The following PAPLN variants were observed in gnomAD, a reference collection of about 807,000 sequenced individuals.
PAPLN encodes the protein papilin.
Under a neutral mutation model 159.0 loss-of-function variants are expected in PAPLN, and 146 were observed. That is an observed-to-expected ratio of 0.92 (90% CI 0.80 to 1.05). The LOEUF (loss-of-function observed/expected upper bound fraction) is 1.05. PAPLN is among the 50% of genes least tolerant of loss of function. PAPLN has a pLI of 0.00. For missense variants in PAPLN, 1,720 were observed against 1,743.9 expected, an observed-to-expected ratio of 0.99 and a Z score of 0.24; for synonymous variants, 734 against 702.9, an observed-to-expected ratio of 1.04 and a Z score of -0.70.
chr14:73,253,685 A>C, intron 11 of PAPLN, 69 bp from the exon 12 acceptor site: 3 of 1,432,488 alleles, frequency 2.1e-6, no homozygotes, highest in South Asian at 1.4e-5. Flanking sequence ...GAGTGAGGGC[A>C]GAAACCCTCA....
chr14:73,254,724 G>A, intron 13 of PAPLN, 29 bp downstream of exon 13: 1 of 1,606,576 alleles, frequency 6.2e-7, no homozygotes, highest in East Asian at 2.2e-5. Context: ...CACACCTGCT[G>A]CCTGACCCTG....
At chr14:73,252,925 C>A in intron 11 of PAPLN, 150 bp downstream of exon 11, 1 of 1,367,880 alleles carries the variant, frequency 7.3e-7, no homozygotes, top group Non-Finnish European at 9.9e-7. Flanking sequence ...GAGGTGGCAG[C>A]TCTTCCTGGG....
chr14:73,247,217 C>T (rs1013648943), intron 5 of PAPLN, among the ~76,000 whole-genome samples: 4 of 151,996 alleles, frequency 2.6e-5, no homozygotes, highest in African/African-American at 9.7e-5. Flanking sequence ...ATCTGGGGGC[C>T]AGAGGAGATG....
intron 16 of PAPLN, among the ~76,000 whole-genome samples, chr14:73,260,217 G>C (rs1886402548): frequency 6.6e-6 from 1 of 152,152 alleles, no homozygotes; most frequent in South Asian, 2.1e-4. Context: ...TTCCTGTGAG[G>C]GTGAAGTGCA....
At chr14:73,255,388 C>T (rs1003338268) in intron 14 of PAPLN, among the ~76,000 whole-genome samples, 5 of 152,190 alleles carry the variant, frequency 3.3e-5, no homozygotes, top group African/African-American at 1.2e-4. Context: ...CCATATTCCT[C>T]TTTATACCCC....
rs1474762182 is a variant in PAPLN at position 73,265,056 on chromosome 14, C to CG, written c.3126-312dup. 6.7e-6 allele frequency among the ~76,000 whole-genome samples: 1 copy of CG among 149,314 alleles called. No homozygotes were observed. Among genetic ancestry groups the CG allele is most frequent in the East Asian group, 2.0e-4 (1 of 5,116 alleles). On this transcript the variant is annotated intron_variant, in intron 22 of 26. Transcript: ENST00000644200. The surrounding 1 kb of genome is among the most constrained non-coding windows in gnomAD (Gnocchi z 4.1). ...AGTTTACAGAGGGGGTGTGGAGGAC[C>CG]GGAGGGGGTGCCCAACTCAAAGACC...
At chr14:73,263,605 G>A (rs74061082) in intron 19 of PAPLN, 40 bp from the exon 20 acceptor site, 26,961 of 1,612,548 alleles carry the variant, frequency 0.017, 1,738 homozygotes, top group South Asian at 0.15. Flanking sequence ...TGGTCCTGGC[G>A]CTCATGCCAG....
intron 5 of PAPLN, among the ~76,000 whole-genome samples, chr14:73,247,797 C>CGTGTGT (rs869273897): frequency 1.1e-3 from 35 of 32,524 alleles, no homozygotes; most frequent in Non-Finnish European, 1.6e-3. Flanking sequence ...TCTCTTATCC[C>CGTGTGT]GTGTGTGTGT....
chr14:73,237,911 G>C (rs1050671711), intron 1 of PAPLN, among the ~76,000 whole-genome samples: 3 of 152,186 alleles, frequency 2.0e-5, no homozygotes, highest in African/African-American at 7.2e-5. Flanking sequence ...TGGTACAAGC[G>C]AGGCCCTGGA....
Position 73,264,206 on chromosome 14 carries a change from C to T in PAPLN, c.2862-5C>T, listed in dbSNP as rs1243350803. 2 of 1,613,652 alleles carry T rather than the reference C, an allele frequency of 1.2e-6. No individual in the cohort carries two copies. The highest frequency in any genetic ancestry group is 1.7e-6 in the Non-Finnish European group (2 of 1,179,942). On this transcript the variant is annotated splice_polypyrimidine_tract_variant and splice_region_variant and intron_variant, in intron 20 of 26. Transcript: ENST00000644200. ...GCTCATGTCCTCCCACACCACCCCA[C>T]TCAGGCACAGGCTGCAGTTCGACGG...
rs1187047518 is a variant in PAPLN, at chr14:73,245,716, G to T, written c.231+20G>T. The T allele has an allele frequency of 6.5e-7, 1 of 1,539,970 alleles. No individual in the cohort carries two copies. Among genetic ancestry groups the T allele is most frequent in the African/African-American group, 1.4e-5 (1 of 73,318 alleles). On this transcript the variant is annotated intron_variant, in intron 4 of 26. Transcript: ENST00000644200. The surrounding 1 kb of genome is among the most constrained non-coding windows in gnomAD (Gnocchi z 4.2). ...ACGGAGGTAAAGCTCACGGGGCGCGGGCGAAGGCACCAGCTTCCCCAGCCC... is the reference window on the plus strand; with the variant it reads ...ACGGAGGTAAAGCTCACGGGGCGCGTGCGAAGGCACCAGCTTCCCCAGCCC...
At chr14:73,268,798 C>T (rs1594836061) in intron 26 of PAPLN, 75 bp downstream of exon 26, 2 of 1,465,586 alleles carry the variant, frequency 1.4e-6, no homozygotes, top group Non-Finnish European at 9.1e-7. Flanking sequence ...GCTGGCTCTG[C>T]AGTCTGAGGG....
intron 26 of PAPLN, among the ~76,000 whole-genome samples, chr14:73,269,924 A>C (rs1377208738): frequency 6.6e-6 from 1 of 152,246 alleles, no homozygotes; most frequent in East Asian, 1.9e-4. Flanking sequence ...CTAGAAGTTG[A>C]AGGTCTGGCT....
In PAPLN at chr14:73,266,504, C is replaced by A. The variant is rs112930469; in HGVS notation, c.3267C>A (p.His1089Gln). The change falls in exon 24 of 27, where the codon CAC (histidine) becomes CAA (glutamine). Residue 1089 changes from histidine to glutamine, a missense_variant. His to Gln is a conservative substitution (Grantham distance 24, BLOSUM62 0). Coordinates refer to ENST00000644200, the MANE Select transcript of PAPLN (RefSeq NM_001365906.3). ...RDGQPVSSPR[H>Q]QLQPDGSLVI... ...ACTGGCTGTACTTGGTCCCCAGACA[C>A]CAGCTGCAGCCTGATGGCTCCCTGG... 6.2e-7 allele frequency: 1 copy of A among 1,613,938 alleles called. No homozygotes were observed. The highest frequency in any genetic ancestry group is 1.1e-5 in the South Asian group (1 of 91,040).
chr14:73,250,819 G>A (rs80299161), intron 6 of PAPLN, 88 bp from the exon 7 acceptor site: 66,559 of 1,444,414 alleles, frequency 0.046, 1,804 homozygotes, highest in Non-Finnish European at 0.052. Context: ...CCTGGGCTGC[G>A]TGGGTGCTGG....
Position 73,245,532 on chromosome 14 carries a change from TCCCACTGGAGA to T in PAPLN, c.171-103_171-93del, listed in dbSNP as rs2140193592. ...GGGGGACACCCTCTCACCTTGCTGCTCCCACTGGAGAGTCCCGCAGAAGTTGGGGCCTGCAG... is the reference window on the plus strand; with the variant it reads ...GGGGGACACCCTCTCACCTTGCTGCTGTCCCGCAGAAGTTGGGGCCTGCAG... On this transcript the variant is annotated intron_variant, in intron 3 of 26. Coordinates refer to ENST00000644200, the MANE Select transcript of PAPLN (RefSeq NM_001365906.3). This position sits in a 1 kb window ranked among gnomAD's most constrained non-coding sequence, Gnocchi z 4.2. 3.1e-6 allele frequency: 4 copies of T among 1,288,578 alleles called. No homozygotes were observed. In the South Asian group the frequency reaches 4.0e-5, roughly 13 times the overall value. 79.8% of individuals were successfully genotyped at this position (1,288,578 alleles called of 1,614,324 possible). A position where few individuals can be genotyped will look rare whatever the true frequency, so the allele number is the denominator to read the frequency against.
chr14:73,264,250 C>A lies in PAPLN; in HGVS notation c.2901C>A (p.Pro967=). 1.9e-6 allele frequency: 3 copies of A among 1,614,012 alleles called. No individual in the cohort carries two copies. The highest frequency in any genetic ancestry group is 2.5e-6 in the Non-Finnish European group (3 of 1,180,012). The part of the protein sequence containing the change: ...LQFDGSLIIH[P]LQAEDAGTYS... ...TCGACGGATCCCTGATCATCCACCCCCTGCAGGCAGAGGACGCGGGCACCT... is the reference window on the plus strand; with the variant it reads ...TCGACGGATCCCTGATCATCCACCCACTGCAGGCAGAGGACGCGGGCACCT... Residue 967 remains proline, a synonymous_variant, in exon 21 of 27, where the codon CCC becomes CCA. Transcript: ENST00000644200.
At chr14:73,244,551 G>C (rs375803082) in intron 2 of PAPLN, 93 bp from the exon 3 acceptor site, 1 of 1,077,210 alleles carries the variant, frequency 9.3e-7, no homozygotes. Context: ...TCCTTGATGG[G>C]TAGGGGAGGG....
chr14:73,263,613 C>T, intron 19 of PAPLN, 32 bp from the exon 20 acceptor site: 1 of 1,613,170 alleles, frequency 6.2e-7, no homozygotes, highest in Non-Finnish European at 8.5e-7. Flanking sequence ...GCGCTCATGC[C>T]AGTCAGCAGA....
Sources: gnomAD v4.1 joint callset for allele counts (sites outside exome capture counted in the v4.1 genomes callset) on GRCh38, gnomAD v4.1.1 for gene constraint, Gnocchi (gnomAD v3.1) non-coding constraint, MANE v1.5 for transcripts, NCBI Gene and HGNC (gene_info 2026-07-23, HGNC 2026-07-21) for gene names.